Variants in ADAMTS16 observed in about 807,000 individuals in gnomAD.
The protein encoded by ADAMTS16 is ADAM metallopeptidase with thrombospondin type 1 motif 16, also known as A disintegrin and metalloproteinase with thrombospondin motifs 16.
Under a neutral mutation model 145.8 loss-of-function variants are expected in ADAMTS16, and 94 were observed. The ratio of observed to expected loss-of-function variants is 0.64; its 90% confidence interval spans 0.55 to 0.77. ADAMTS16 has a LOEUF of 0.77. ADAMTS16 is among the 30% of genes least tolerant of loss of function. The pLI is 0.00. For missense variants in ADAMTS16, 1,585 were observed against 1,591.5 expected, an observed-to-expected ratio of 1.00 and a Z score of 0.07; for synonymous variants, 659 against 604.3, an observed-to-expected ratio of 1.09 and a Z score of -1.33.
At chr5:5,152,461 GACAA>G (rs1297416524) in intron 3 of ADAMTS16, among the ~76,000 whole-genome samples, 1 of 152,232 alleles carries the variant, frequency 6.6e-6, no homozygotes, top group African/African-American at 2.4e-5. Context: ...CTTGGCAGAA[GACAA>G]ACAAGTTCTG....
intron 18 of ADAMTS16, among the ~76,000 whole-genome samples, chr5:5,265,981 AAGAAGT>A (rs1738224568): frequency 7.8e-6 from 1 of 128,922 alleles, no homozygotes; most frequent in East Asian, 2.3e-4. Context: ...ATTAGACTTA[AAGAAGT>A]GTGTGTGTGT....
chr5:5,159,875 G>A lies in ADAMTS16; in HGVS notation c.501+13420G>A, dbSNP rs540958798. Among the ~76,000 whole-genome samples, 144 of 152,330 alleles carry A rather than the reference G, an allele frequency of 9.5e-4. 6 individuals carry two copies. In the South Asian group the frequency reaches 0.029, roughly 31 times the overall value. On this transcript the variant is annotated intron_variant, in intron 3 of 22. Coordinates refer to ENST00000274181, the MANE Select transcript of ADAMTS16 (RefSeq NM_139056.4). Reference sequence around the variant, plus strand: ...TAACAAGTTATCATAAACAAGGGAAGTGCCCAGAATAACCAGCATTTTGAT... The same window carrying A: ...TAACAAGTTATCATAAACAAGGGAAATGCCCAGAATAACCAGCATTTTGAT...
rs748937514 is a variant in ADAMTS16, at chr5:5,239,861, G to T, written c.2459G>T (p.Arg820Leu). Residue 820 changes from arginine (R) to leucine (L), a missense_variant, in exon 16 of 23, where the codon CGG becomes CTG. By Grantham distance (102) the Arg-to-Leu change is moderately radical. Around this residue, in one of 3 missense-constraint regions of ADAMTS16, gnomAD observed 834 missense variants for 811.7 expected, o/e 1.03. Coordinates refer to ENST00000274181, the MANE Select transcript of ADAMTS16 (RefSeq NM_139056.4). ...TCGGGCACTACTTTCGACTACAGAC[G>T]GTCCTATAATGAGCCCGAGAACTTA... is the stretch of plus-strand genomic sequence containing the variant. ...KFSGTTFDYR[R>L]SYNEPENLIA... 2.5e-6 allele frequency: 4 copies of T among 1,613,916 alleles called. No homozygotes were observed. Among genetic ancestry groups the T allele is most frequent in the African/African-American group, 2.7e-5 (2 of 74,860 alleles).
intron 17 of ADAMTS16, among the ~76,000 whole-genome samples, chr5:5,260,067 TTG>T: frequency 6.6e-6 from 1 of 152,246 alleles, no homozygotes; most frequent in Non-Finnish European, 1.5e-5. Flanking sequence ...AAATATTTAC[TTG>T]TATTGCCTTT....
chr5:5,185,084 C>G (rs1190611546), intron 4 of ADAMTS16, among the ~76,000 whole-genome samples: 2 of 152,142 alleles, frequency 1.3e-5, no homozygotes, highest in African/African-American at 2.4e-5. Context: ...GGGTGGAGCT[C>G]ACACCTGCGG....
intron 3 of ADAMTS16, among the ~76,000 whole-genome samples, chr5:5,151,144 C>T (rs1015457569): frequency 6.6e-6 from 1 of 151,790 alleles, no homozygotes; most frequent in Non-Finnish European, 1.5e-5. Flanking sequence ...TTATTTCTTT[C>T]TTTTAAAAAT....
intron 8 of ADAMTS16, among the ~76,000 whole-genome samples, chr5:5,196,889 A>G (rs1371816387): frequency 6.6e-6 from 1 of 152,178 alleles, no homozygotes; most frequent in Non-Finnish European, 1.5e-5. Flanking sequence ...CTTGTGAATG[A>G]CAGAGCCAAG....
At chr5:5,290,509 G>A (rs1739266008) in intron 18 of ADAMTS16, among the ~76,000 whole-genome samples, 1 of 152,134 alleles carries the variant, frequency 6.6e-6, no homozygotes, top group Non-Finnish European at 1.5e-5. Flanking sequence ...ACAAAAATTA[G>A]CTGGACGTGG....
At chr5:5,318,007 C>G in intron 21 of ADAMTS16, 127 bp from the exon 22 acceptor site, 1 of 1,095,474 alleles carries the variant, frequency 9.1e-7, no homozygotes, top group African/African-American at 1.6e-5. Flanking sequence ...CCACCTGCCT[C>G]TGCGACTAAG....
chr5:5,179,016 G>A (rs1053774754), intron 3 of ADAMTS16, among the ~76,000 whole-genome samples: 2 of 151,708 alleles, frequency 1.3e-5, no homozygotes, highest in African/African-American at 2.4e-5. Context: ...GATCATCAGG[G>A]CGAAGCATAA....
chr5:5,245,773 A>G (rs13154610), intron 17 of ADAMTS16, among the ~76,000 whole-genome samples: 27,795 of 152,140 alleles, frequency 0.18, 3,064 homozygotes, highest in Middle Eastern at 0.25. Flanking sequence ...ATCTCTCTGT[A>G]GGAAATAAGG....
In ADAMTS16 at chr5:5,182,047, G is replaced by A. The variant is rs1338537309; in HGVS notation, c.505G>A (p.Gly169Ser). 1 of 1,600,174 alleles carries A rather than the reference G, an allele frequency of 6.2e-7. No homozygotes were observed. Among genetic ancestry groups the A allele is most frequent in the African/African-American group, 1.3e-5 (1 of 74,452 alleles). ...TCTTTCCTTTTATTTTTTCCAGTCAGGCATGATACGAACAGAAGAGGCAGA... is the reference window on the plus strand; with the variant it reads ...TCTTTCCTTTTATTTTTTCCAGTCAAGCATGATACGAACAGAAGAGGCAGA... ...VALSTCQGLSGMIRTEEADYF... is the reference protein window; with the variant it reads ...VALSTCQGLSSMIRTEEADYF... Residue 169 changes from glycine (G) to serine (S), a missense_variant, in exon 4 of 23, where the codon GGC becomes AGC. Around this residue, in one of 3 missense-constraint regions of ADAMTS16, gnomAD observed 453 missense variants for 412.1 expected, o/e 1.10. Transcript: ENST00000274181.
Position 5,235,130 on chromosome 5 carries a change from A to G in ADAMTS16, c.1967A>G (p.Asn656Ser), listed in dbSNP as rs1737063475. Residue 656 changes from asparagine to serine, a missense_variant, in exon 13 of 23, where the codon AAC (asparagine) becomes AGC (serine). By Grantham distance (46) the Asn-to-Ser change is conservative. Transcript: ENST00000274181. Reference protein sequence around the residue: ...DFRAAQCAEHNSRRFRGRHYK... With the variant: ...DFRAAQCAEHSSRRFRGRHYK... ...CGTGCTGCTCAGTGTGCCGAGCACA[A>G]CAGCAGACGATTCAGAGGGCGGCAC... 6.3e-7 allele frequency: 1 copy of G among 1,597,720 alleles called. No individual in the cohort carries two copies. The highest frequency in any genetic ancestry group is 1.7e-5 in the Admixed American group (1 of 59,748).
At chr5:5,221,843 CACTACGTCG>C (rs1736612277) in intron 10 of ADAMTS16, among the ~76,000 whole-genome samples, 1 of 152,204 alleles carries the variant, frequency 6.6e-6, no homozygotes, top group South Asian at 2.1e-4. Context: ...TTCCCAGCTG[CACTACGTCG>C]ATGTGTTTCA....
intron 9 of ADAMTS16, among the ~76,000 whole-genome samples, chr5:5,207,214 A>T (rs1256873394): frequency 6.6e-6 from 1 of 152,026 alleles, no homozygotes; most frequent in Non-Finnish European, 1.5e-5. Flanking sequence ...TTTTTCTTTG[A>T]TTTCTTTCAT....
intron 3 of ADAMTS16, among the ~76,000 whole-genome samples, chr5:5,167,028 C>CT (rs1480037697): frequency 2.0e-5 from 3 of 152,194 alleles, no homozygotes; most frequent in Non-Finnish European, 4.4e-5. Context: ...AAGTCAAACC[C>CT]TTTTTCCTGC....
chr5:5,182,931 T>A (rs948084826), intron 4 of ADAMTS16, among the ~76,000 whole-genome samples: 1 of 152,160 alleles, frequency 6.6e-6, no homozygotes, highest in Non-Finnish European at 1.5e-5. Context: ...GGGTGAACCT[T>A]CCTCAGGAGT....
intron 11 of ADAMTS16, among the ~76,000 whole-genome samples, chr5:5,231,084 C>T (rs1736907411): frequency 6.6e-6 from 1 of 152,316 alleles, no homozygotes; most frequent in South Asian, 2.1e-4. Context: ...CAACCTCACT[C>T]CTGTCCCCAC....
intron 18 of ADAMTS16, among the ~76,000 whole-genome samples, chr5:5,286,703 A>C (rs1275614588): frequency 6.6e-6 from 1 of 151,604 alleles, no homozygotes; most frequent in Non-Finnish European, 1.5e-5. Context: ...CTAAAAATAC[A>C]AAAAATTACC....
Sources: allele counts gnomAD v4.1 joint callset (sites outside exome capture counted in the v4.1 genomes callset), GRCh38; gene constraint gnomAD v4.1.1; regional missense constraint gnomAD v4.1.1; transcripts MANE v1.5; gene names NCBI Gene and HGNC (gene_info 2026-07-23, HGNC 2026-07-21).